Variants in PALM2AKAP2 observed in about 807,000 individuals in gnomAD.
The protein encoded by PALM2AKAP2 is PALM2 and AKAP2 fusion.
In PALM2AKAP2, 37 loss-of-function variants were observed where a neutral mutation model predicts 71.5. The ratio of observed to expected loss-of-function variants is 0.52; its 90% CI spans 0.40 to 0.68. The LOEUF (loss-of-function observed/expected upper bound fraction) is 0.68. Among genes scored for constraint, PALM2AKAP2 ranks in the 30% least tolerant of loss-of-function variants. PALM2AKAP2 has a pLI of 0.00. For missense variants in PALM2AKAP2, 1,224 were observed against 1,191.8 expected, an observed-to-expected ratio of 1.03 and a Z score of -0.40; for synonymous variants, 468 against 478.8, an observed-to-expected ratio of 0.98 and a Z score of 0.29.
chr9:109,710,578 T>C (rs767555095), intron 1 of PALM2AKAP2, among the ~76,000 whole-genome samples: 30 of 152,194 alleles, frequency 2.0e-4, no homozygotes, highest in Admixed American at 3.9e-4. Flanking sequence ...GGAAGGGAAG[T>C]AGCACTTGTT....
intron 7 of PALM2AKAP2, among the ~76,000 whole-genome samples, chr9:110,030,120 G>C (rs985852937): frequency 3.9e-5 from 6 of 152,176 alleles, no homozygotes; most frequent in Admixed American, 2.0e-4. Context: ...TGTGCAAAGA[G>C]AGAAAATTAC....
chr9:110,166,340 C>T (rs769612053), intron 3 of PALM2AKAP2, among the ~76,000 whole-genome samples: 2 of 152,106 alleles, frequency 1.3e-5, no homozygotes, highest in Non-Finnish European at 2.9e-5. Flanking sequence ...GTCCACAGTG[C>T]CTTCTGAGAA....
chr9:109,920,749 A>T (rs373287210), intron 3 of PALM2AKAP2, among the ~76,000 whole-genome samples: 1 of 152,032 alleles, frequency 6.6e-6, no homozygotes, highest in African/African-American at 2.4e-5. Context: ...ATTTAAATCA[A>T]ATCTGCTCAG....
intron 1 of PALM2AKAP2, among the ~76,000 whole-genome samples, chr9:110,129,774 G>C (rs551281969): frequency 7.9e-5 from 12 of 152,300 alleles, no homozygotes; most frequent in Non-Finnish European, 1.8e-4. Context: ...ACCAATGTGT[G>C]ACCCCTCCTC....
upstream of PALM2AKAP2, among the ~76,000 whole-genome samples, chr9:110,045,631 A>G (rs1483116745): frequency 1.3e-5 from 2 of 151,790 alleles, no homozygotes. Context: ...GCAGTGGTGC[A>G]ATCTCGGCTC....
At chr9:109,928,102 T>A (rs1055701361) in intron 5 of PALM2AKAP2, among the ~76,000 whole-genome samples, 3 of 152,166 alleles carry the variant, frequency 2.0e-5, no homozygotes, top group Non-Finnish European at 4.4e-5. Context: ...TGTGTTTGTT[T>A]GTTTGTTTAT....
chr9:109,871,996 GA>G (rs1415837764), intron 2 of PALM2AKAP2, among the ~76,000 whole-genome samples: 2 of 152,044 alleles, frequency 1.3e-5, no homozygotes, highest in Non-Finnish European at 2.9e-5. Flanking sequence ...GTGATTTATT[GA>G]TTAATTCATC....
intron 3 of PALM2AKAP2, among the ~76,000 whole-genome samples, chr9:109,895,922 G>A (rs1479295741): frequency 2.6e-5 from 4 of 152,160 alleles, no homozygotes; most frequent in African/African-American, 7.2e-5. Context: ...TGTGATTCAT[G>A]CCTGTAATCC....
At chr9:110,139,675 C>T (rs1190845557) in intron 2 of PALM2AKAP2, among the ~76,000 whole-genome samples, 1 of 152,066 alleles carries the variant, frequency 6.6e-6, no homozygotes, top group Non-Finnish European at 1.5e-5. Flanking sequence ...CCTACAATGA[C>T]TCAAGGTCAC....
At chr9:109,668,179 G>A (rs376524711) in intron 1 of PALM2AKAP2, among the ~76,000 whole-genome samples, 3 of 20,800 alleles carry the variant, frequency 1.4e-4, no homozygotes, top group South Asian at 1.4e-3. Context: ...CTCGTGATCC[G>A]CCCGCCTCGG....
At chr9:109,694,348 C>G (rs1009458053) in intron 1 of PALM2AKAP2, among the ~76,000 whole-genome samples, 17 of 152,034 alleles carry the variant, frequency 1.1e-4, no homozygotes, top group African/African-American at 4.1e-4. Flanking sequence ...ACAATTACTT[C>G]TTAAATTCAG....
intron 1 of PALM2AKAP2, among the ~76,000 whole-genome samples, chr9:110,119,062 A>C (rs1835425864): frequency 6.6e-6 from 1 of 152,118 alleles, no homozygotes; most frequent in Admixed American, 6.5e-5. Context: ...TGAAAACATC[A>C]GGCCAGGCAC....
At chr9:109,878,313 G>T (rs761425475) in intron 2 of PALM2AKAP2, among the ~76,000 whole-genome samples, 5 of 152,188 alleles carry the variant, frequency 3.3e-5, no homozygotes, top group Non-Finnish European at 7.3e-5. Context: ...CATGTCACCA[G>T]TGATGCATAG....
At chr9:110,153,649 G>T (rs150206803) in intron 2 of PALM2AKAP2, among the ~76,000 whole-genome samples, 1 of 152,126 alleles carries the variant, frequency 6.6e-6, no homozygotes, top group Non-Finnish European at 1.5e-5. Context: ...TGCCTACCTC[G>T]TGCCATGTAC....
At chr9:110,138,582 C>A in intron 2 of PALM2AKAP2, 43 bp downstream of exon 8, 1 of 1,517,234 alleles carries the variant, frequency 6.6e-7, no homozygotes, top group South Asian at 1.3e-5. Context: ...CCACAGCAGT[C>A]TGTTGTTGTT....
intron 1 of PALM2AKAP2, among the ~76,000 whole-genome samples, chr9:109,689,165 T>C (rs1390922847): frequency 1.3e-5 from 2 of 151,884 alleles, no homozygotes; most frequent in South Asian, 2.1e-4. Context: ...AATTTTTTCA[T>C]CTGTAAAATG....
intron 1 of PALM2AKAP2, among the ~76,000 whole-genome samples, chr9:110,049,177 A>C (rs1163675292): frequency 1.3e-5 from 2 of 152,162 alleles, no homozygotes; most frequent in Non-Finnish European, 2.9e-5. Flanking sequence ...ATACACACAG[A>C]GCTGGGCTGT....
At chr9:109,860,579 C>T (rs1183775859) in intron 1 of PALM2AKAP2, among the ~76,000 whole-genome samples, 1 of 152,156 alleles carries the variant, frequency 6.6e-6, no homozygotes, top group Non-Finnish European at 1.5e-5. Context: ...ATTTTATAAG[C>T]CACAGTAAAA....
chr9:109,788,004 G>A (rs1318930305), intron 1 of PALM2AKAP2, among the ~76,000 whole-genome samples: 2 of 152,182 alleles, frequency 1.3e-5, no homozygotes, highest in Non-Finnish European at 2.9e-5. Flanking sequence ...TGAGTTTGGT[G>A]TCCAGATGTT....
Sources: gnomAD v4.1 joint callset for allele counts (sites outside exome capture counted in the v4.1 genomes callset) on GRCh38, gnomAD v4.1.1 for gene constraint, MANE v1.5 for transcripts, NCBI Gene and HGNC (gene_info 2026-07-23, HGNC 2026-07-21) for gene names.